Variants in NELL2 observed in about 807,000 individuals in gnomAD.
NELL2 encodes the protein protein kinase C-binding protein NELL2.
A neutral mutation model predicts 109.6 loss-of-function variants in NELL2; 41 were observed. The observed-to-expected ratio is 0.37, with a 90% CI of 0.29 to 0.49. NELL2 has a LOEUF of 0.49. NELL2 is among the 20% of genes least tolerant of loss of function. The pLI is 0.98. For synonymous variants in NELL2, 355 were observed against 344.7 expected (o/e 1.03, Z -0.33); for missense variants, 900 against 1,008.3 (o/e 0.89, Z 1.45).
rs60721930 is a variant in NELL2 at position 44,518,245 on chromosome 12, C to CT, written c.2400+1759dup. ...AGTGAATGACAAACTCATTCAAATA[C>CT]TTTTTTTTTTTTTTTCTGAGATGGA... On this transcript the variant is annotated intron_variant, in intron 19 of 19. Transcript: ENST00000429094. Among the ~76,000 whole-genome samples, 327 of 143,198 alleles carry CT rather than the reference C, an allele frequency of 2.3e-3. 1 individual carries two copies. Among genetic ancestry groups the CT allele is most frequent in the East Asian group, 3.5e-3 (17 of 4,916 alleles). 93.9% of individuals were successfully genotyped at this position (143,198 alleles called of 152,430 possible).
intron 15 of NELL2, among the ~76,000 whole-genome samples, chr12:44,599,358 C>G (rs1334777625): frequency 6.6e-6 from 1 of 151,726 alleles, no homozygotes; most frequent in Non-Finnish European, 1.5e-5. Context: ...AAGAAGGAAT[C>G]AAAACCACAA....
intron 13 of NELL2, among the ~76,000 whole-genome samples, chr12:44,663,770 C>T (rs1947828529): frequency 6.6e-6 from 1 of 152,210 alleles, no homozygotes; most frequent in South Asian, 2.1e-4. Context: ...CCAACAGACT[C>T]AGAATGGAAA....
chr12:44,562,150 T>C (rs1226032653), intron 15 of NELL2, among the ~76,000 whole-genome samples: 1 of 152,182 alleles, frequency 6.6e-6, no homozygotes, highest in Non-Finnish European at 1.5e-5. Flanking sequence ...CCTTACACCT[T>C]ATACAAAAAT....
intron 12 of NELL2, among the ~76,000 whole-genome samples, chr12:44,682,117 G>A (rs1032942326): frequency 6.7e-6 from 1 of 149,736 alleles, no homozygotes; most frequent in African/African-American, 2.6e-5. Context: ...ATTCTAACTG[G>A]TGTGAGATGA....
intron 14 of NELL2, among the ~76,000 whole-genome samples, chr12:44,608,921 T>A (rs1381095825): frequency 6.7e-6 from 1 of 150,080 alleles, no homozygotes; most frequent in Admixed American, 6.7e-5. Context: ...TATATGTATA[T>A]ATATATTTTT....
At chr12:44,622,623 C>A (rs1946099823) in intron 13 of NELL2, among the ~76,000 whole-genome samples, 1 of 152,114 alleles carries the variant, frequency 6.6e-6, no homozygotes, top group Admixed American at 6.6e-5. Context: ...CCATAGCATT[C>A]CAACATAGAC....
At chr12:44,582,700 G>A (rs1944364912) in intron 15 of NELL2, among the ~76,000 whole-genome samples, 1 of 152,078 alleles carries the variant, frequency 6.6e-6, no homozygotes, top group Admixed American at 6.5e-5. Context: ...GTAGAATGAA[G>A]GAGGTGAGAA....
chr12:44,633,511 C>CA (rs1253899776), intron 13 of NELL2, among the ~76,000 whole-genome samples: 1 of 152,018 alleles, frequency 6.6e-6, no homozygotes, highest in Non-Finnish European at 1.5e-5. Flanking sequence ...TTAAAATATA[C>CA]AAACAAACAT....
intron 15 of NELL2, among the ~76,000 whole-genome samples, chr12:44,554,334 A>G (rs1943156664): frequency 6.6e-6 from 1 of 152,206 alleles, no homozygotes; most frequent in African/African-American, 2.4e-5. Flanking sequence ...GAATAAATCA[A>G]ATATAAAACA....
intron 12 of NELL2, among the ~76,000 whole-genome samples, chr12:44,691,526 G>C (rs1425506180): frequency 6.6e-6 from 1 of 152,154 alleles, no homozygotes; most frequent in African/African-American, 2.4e-5. Flanking sequence ...GTTCAAGTGA[G>C]AAGAGTTGCA....
intron 12 of NELL2, among the ~76,000 whole-genome samples, chr12:44,673,473 G>A (rs974058068): frequency 6.6e-6 from 1 of 152,198 alleles, no homozygotes; most frequent in Non-Finnish European, 1.5e-5. Flanking sequence ...CAAGTGGATA[G>A]TATCAGGGGT....
At chr12:44,805,942 G>A (rs888913568) in intron 3 of NELL2, among the ~76,000 whole-genome samples, 1 of 151,596 alleles carries the variant, frequency 6.6e-6, no homozygotes, top group African/African-American at 2.4e-5. Context: ...ATATATAAGG[G>A]ACCACAAATT....
intron 15 of NELL2, among the ~76,000 whole-genome samples, chr12:44,592,447 C>T (rs2136227137): frequency 6.6e-6 from 1 of 152,262 alleles, no homozygotes; most frequent in East Asian, 1.9e-4. Context: ...CTTTGTTTCC[C>T]TCTTCCCAGA....
rs143013009 is a variant in NELL2, at chr12:44,911,366, T to C, written c.38+2433A>G. On this transcript the variant is annotated intron_variant, in intron 1 of 20. Coordinates refer to the NELL2 transcript ENST00000333837. The stretch of plus-strand genomic sequence containing the variant: ...GACTATTAAAAAATAACAAGAACAA[T>C]AAAAAAGAAATAACATATATTTCTC... Among the ~76,000 whole-genome samples the C allele has an allele frequency of 5.5e-3, 840 of 152,000 alleles. 29 individuals carry two copies. The East Asian group carries it at 0.11, about 21-fold the overall frequency.
intron 15 of NELL2, among the ~76,000 whole-genome samples, chr12:44,573,101 A>C (rs939504861): frequency 1.3e-5 from 2 of 152,208 alleles, no homozygotes; most frequent in Non-Finnish European, 2.9e-5. Context: ...ACATTTGATG[A>C]AATCTTAGAA....
At chr12:44,739,813 C>T (rs1939851065) in intron 9 of NELL2, among the ~76,000 whole-genome samples, 1 of 152,114 alleles carries the variant, frequency 6.6e-6, no homozygotes, top group Admixed American at 6.6e-5. Flanking sequence ...ATCCCTTGAA[C>T]TGGGAAGTGG....
chr12:44,578,261 T>C (rs116102553), intron 15 of NELL2, among the ~76,000 whole-genome samples: 2,183 of 152,178 alleles, frequency 0.014, 41 homozygotes, highest in African/African-American at 0.049. Flanking sequence ...CATAATAAGA[T>C]CTTTAAAATA....
chr12:44,600,972 A>T (rs1945195623), intron 15 of NELL2, among the ~76,000 whole-genome samples: 1 of 152,192 alleles, frequency 6.6e-6, no homozygotes, highest in Non-Finnish European at 1.5e-5. Context: ...AAATAAAAAA[A>T]TAAGAGGGAA....
At chr12:44,649,262 T>C (rs967019671) in intron 13 of NELL2, among the ~76,000 whole-genome samples, 8 of 148,314 alleles carry the variant, frequency 5.4e-5, no homozygotes, top group Non-Finnish European at 1.0e-4. Flanking sequence ...CCTGCCTTGG[T>C]AATCCAGCGT....
Sources: allele counts gnomAD v4.1 joint callset (sites outside exome capture counted in the v4.1 genomes callset), GRCh38; gene constraint gnomAD v4.1.1; transcripts MANE v1.5; gene names NCBI Gene and HGNC (gene_info 2026-07-23, HGNC 2026-07-21).